The following PNPLA5 variants were observed in gnomAD, a reference collection of about 807,000 sequenced individuals.
PNPLA5 encodes the protein patatin-like phospholipase domain-containing protein 5.
PNPLA5 carries 44 observed loss-of-function variants against 49.1 expected under a neutral mutation model. The observed-to-expected ratio is 0.90, with a 90% CI of 0.70 to 1.15. The LOEUF is 1.15. Among genes scored for constraint, PNPLA5 ranks in the 50% most tolerant of loss-of-function variants. PNPLA5 has a pLI of 0.00. For missense variants in PNPLA5, 603 were observed against 564.0 expected (o/e 1.07, Z -0.70); for synonymous variants, 243 against 244.4 (o/e 0.99, Z 0.06).
intron 7 of PNPLA5, among the ~76,000 whole-genome samples, chr22:43,883,586 G>A (rs567838043): frequency 1.3e-5 from 2 of 152,300 alleles, no homozygotes; most frequent in East Asian, 3.9e-4. Flanking sequence ...GAGGCGGGCG[G>A]ATTGCCTGAG....
At chr22:43,886,885 T>C (rs2049670515) in intron 5 of PNPLA5, among the ~76,000 whole-genome samples, 1 of 152,192 alleles carries the variant, frequency 6.6e-6, no homozygotes, top group Non-Finnish European at 1.5e-5. Flanking sequence ...TGGGCACATA[T>C]TAAGCGCTCG....
Position 43,881,611 on chromosome 22 carries a change from G to A in PNPLA5, c.1146C>T (p.Asn382=). 3 of 1,613,078 alleles carry A rather than the reference G, an allele frequency of 1.9e-6. No individual in the cohort carries two copies. The highest frequency in any genetic ancestry group is 2.5e-6 in the Non-Finnish European group (3 of 1,179,614). Residue 382 remains asparagine (N), a synonymous_variant, in exon 8 of 9, where the codon AAC becomes AAT. Coordinates refer to ENST00000216177, the MANE Select transcript of PNPLA5 (RefSeq NM_138814.4). Reference sequence around the variant, plus strand: ...TCCTGGAGAAAACCTCGAGGGCCATGTTCCTCAGCAGGCCCTGCATCCACC... The same window carrying A: ...TCCTGGAGAAAACCTCGAGGGCCATATTCCTCAGCAGGCCCTGCATCCACC... ...DLWWMQGLLR[N]MALEVFSRTK... is the part of the protein sequence containing the mutation.
chr22:43,888,921 G>A (rs2049693894), intron 4 of PNPLA5, among the ~76,000 whole-genome samples: 1 of 152,184 alleles, frequency 6.6e-6, no homozygotes, highest in Non-Finnish European at 1.5e-5. Context: ...CTGAATCCTG[G>A]TTTTGCTGCT....
At chr22:43,888,214 C>G (rs997752358) in intron 4 of PNPLA5, among the ~76,000 whole-genome samples, 2 of 152,124 alleles carry the variant, frequency 1.3e-5, no homozygotes, top group Non-Finnish European at 2.9e-5. Context: ...CCTCAGCTTC[C>G]TTATCTAGAA....
At chr22:43,886,538 G>A (rs1021409280) in intron 5 of PNPLA5, 50 bp from the exon 6 acceptor site, 3 of 1,561,910 alleles carry the variant, frequency 1.9e-6, no homozygotes, top group Non-Finnish European at 2.6e-6. Context: ...GCCTCCCCAA[G>A]GCGCCCCATG....
intron 6 of PNPLA5, among the ~76,000 whole-genome samples, chr22:43,884,992 A>G (rs1435766851): frequency 2.0e-5 from 3 of 152,214 alleles, no homozygotes; most frequent in African/African-American, 4.8e-5. Flanking sequence ...CCTGCTCCAC[A>G]TCCACCTGCC....
chr22:43,885,930 C>T (rs2049659138), intron 6 of PNPLA5, among the ~76,000 whole-genome samples: 1 of 152,170 alleles, frequency 6.6e-6, no homozygotes, highest in Non-Finnish European at 1.5e-5. Flanking sequence ...TCTGTGTGTG[C>T]CTCTCCTATG....
chr22:43,890,609 C>A (rs1247438272), intron 2 of PNPLA5, among the ~76,000 whole-genome samples: 1 of 152,214 alleles, frequency 6.6e-6, no homozygotes, highest in African/African-American at 2.4e-5. Context: ...GCCTGCCCCC[C>A]AGAACCACTG....
At chr22:43,886,221 G>C (rs1244622533) in intron 6 of PNPLA5, 82 bp downstream of exon 6, 1 of 1,465,786 alleles carries the variant, frequency 6.8e-7, no homozygotes. Context: ...CAGACCACGA[G>C]TGCCTTCAAG....
At chr22:43,884,460 G>A in intron 6 of PNPLA5, 115 bp from the exon 7 acceptor site, 1 of 1,367,134 alleles carries the variant, frequency 7.3e-7, no homozygotes. Flanking sequence ...TGCAGATGAA[G>A]AAGCAACACT....
chr22:43,883,902 C>A (rs568332111), intron 7 of PNPLA5, among the ~76,000 whole-genome samples: 10 of 152,266 alleles, frequency 6.6e-5, no homozygotes, highest in East Asian at 3.9e-4. Flanking sequence ...GCCACACAGC[C>A]AACCTGAGAT....
At chr22:43,891,599 G>A (rs2401205) in intron 1 of PNPLA5, 89 bp downstream of exon 1, 2 of 1,431,432 alleles carry the variant, frequency 1.4e-6, no homozygotes, top group African/African-American at 2.9e-5. Flanking sequence ...AGGGCGCAGA[G>A]CACAGCGCCA....
chr22:43,884,482 C>T (rs2049642081), intron 6 of PNPLA5, 137 bp from the exon 7 acceptor site: 2 of 1,246,314 alleles, frequency 1.6e-6, no homozygotes, highest in African/African-American at 3.1e-5. Context: ...AGCAAGCCCC[C>T]ACCACAGGCC....
chr22:43,884,122 A>C, intron 7 of PNPLA5, 91 bp downstream of exon 7: 45 of 1,177,706 alleles, frequency 3.8e-5, no homozygotes, highest in East Asian at 8.7e-5. Flanking sequence ...GCCGAGCCCT[A>C]CCCACCCAGT....
chr22:43,882,383 A>C (rs571114984), intron 7 of PNPLA5, among the ~76,000 whole-genome samples: 24 of 152,316 alleles, frequency 1.6e-4, no homozygotes, highest in African/African-American at 5.8e-4. Flanking sequence ...CCCTGGCCGG[A>C]CACCTCAGAC....
At chr22:43,885,039 A>G (rs1024955818) in intron 6 of PNPLA5, among the ~76,000 whole-genome samples, 7 of 152,206 alleles carry the variant, frequency 4.6e-5, no homozygotes, top group Admixed American at 4.6e-4. Context: ...CCTTCTCCAT[A>G]AACTGGGGAT....
At chr22:43,888,255 G>A (rs1006357199) in intron 4 of PNPLA5, among the ~76,000 whole-genome samples, 7 of 152,008 alleles carry the variant, frequency 4.6e-5, no homozygotes, top group East Asian at 1.9e-4. Flanking sequence ...CCCGCCCAGG[G>A]GTGTGGGGAG....
rs1332034043 is a variant in PNPLA5, at chr22:43,886,320, G to A, written c.932C>T (p.Ser311Leu). The A allele has an allele frequency of 4.3e-6, 7 of 1,613,598 alleles. No homozygotes were observed. In the East Asian group the frequency reaches 1.1e-4, roughly 26 times the overall value. Residue 311 changes from serine to leucine, a missense_variant, in exon 6 of 9, where the codon TCA (serine) becomes TTA (leucine). By Grantham distance (145) the Ser-to-Leu change is moderately radical (BLOSUM62 -2). Transcript: ENST00000216177. ...GTCCCTACCAGCCTCCAGCTCTGGT[G>A]AGAGCTGCTCAAAGTTGGGTACATC... ...VKDVPNFEQL[S>L]PELEAALKKA...
At chr22:43,885,335 T>C (rs948183060) in intron 6 of PNPLA5, among the ~76,000 whole-genome samples, 24 of 151,694 alleles carry the variant, frequency 1.6e-4, no homozygotes, top group Admixed American at 1.3e-4. Flanking sequence ...CTCTCCCTGA[T>C]CTGGCCTCGA....
Sources: gnomAD v4.1 joint callset for allele counts (sites outside exome capture counted in the v4.1 genomes callset) on GRCh38, gnomAD v4.1.1 for gene constraint, MANE v1.5 for transcripts, NCBI Gene and HGNC (gene_info 2026-07-23, HGNC 2026-07-21) for gene names.